MED1: variants seen among roughly 807,000 people sequenced by gnomAD.
The protein encoded by MED1 is mediator of RNA polymerase II transcription subunit 1.
In MED1, 17 loss-of-function variants were observed where a neutral mutation model predicts 121.3. That is an observed-to-expected ratio of 0.14 (90% CI 0.10 to 0.21). The LOEUF (loss-of-function observed/expected upper bound fraction) is 0.21, where lower values mean the gene tolerates loss of function less well. MED1 is among the 10% of genes least tolerant of loss of function. MED1 has a pLI of 1.00. For missense variants in MED1, 1,558 were observed against 1,919.4 expected (o/e 0.81, Z 3.52); for synonymous variants, 661 against 694.4 (o/e 0.95, Z 0.76).
Position 39,407,404 on chromosome 17 carries a change from T to TA in MED1, c.*70_*71insT, listed in dbSNP as rs2048312357. Reference sequence around the variant, plus strand: ...TCAGACCTGTCTGACTCACCCCTTATGGTGGTTTGCCTATAAACTTATCAA... The same window carrying TA: ...TCAGACCTGTCTGACTCACCCCTTATAGGTGGTTTGCCTATAAACTTATCAA... On this transcript the variant is annotated 3_prime_UTR_variant, in exon 17 of 17. Coordinates refer to ENST00000300651, the MANE Select transcript of MED1 (RefSeq NM_004774.4). 6.7e-7 allele frequency: 1 copy of TA among 1,498,254 alleles called. No homozygotes were observed. Among genetic ancestry groups the TA allele is most frequent in the East Asian group, 2.3e-5 (1 of 43,552 alleles). 92.8% of individuals were successfully genotyped at this position (1,498,254 alleles called of 1,614,324 possible). A position where few individuals can be genotyped will look rare whatever the true frequency, so the allele number is the denominator to read the frequency against.
At chr17:39,414,254 G>A (rs973680027) in intron 16 of MED1, among the ~76,000 whole-genome samples, 1 of 150,560 alleles carries the variant, frequency 6.6e-6, no homozygotes, top group African/African-American at 2.4e-5. Context: ...AGATTACTTT[G>A]AATCCGAAAG....
intron 1 of MED1, among the ~76,000 whole-genome samples, chr17:39,449,196 C>G (rs954676224): frequency 5.9e-5 from 9 of 152,128 alleles, no homozygotes; most frequent in African/African-American, 2.2e-4. Context: ...CTAATTTTCC[C>G]TTGAAACAGG....
At chr17:39,418,778 C>T (rs1478021321) in intron 14 of MED1, among the ~76,000 whole-genome samples, 1 of 146,530 alleles carries the variant, frequency 6.8e-6, no homozygotes, top group African/African-American at 2.5e-5. Flanking sequence ...TGTGGAAACA[C>T]AGCATCTGTG....
chr17:39,408,668 A>G lies in MED1; in HGVS notation c.3553T>C (p.Ser1185Pro), dbSNP rs768439026. 6.2e-7 allele frequency: 1 copy of G among 1,614,118 alleles called. No homozygotes were observed. The highest frequency in any genetic ancestry group is 1.7e-5 in the Admixed American group (1 of 60,016). ...QGKPSSLMNP[S>P]LSKPNISPSH... Reference sequence around the variant, plus strand: ...GGGGATATGTTTGGTTTACTTAAAGAAGGATTCATAAGTGATGATGGCTTT... The same window carrying G: ...GGGGATATGTTTGGTTTACTTAAAGGAGGATTCATAAGTGATGATGGCTTT... Residue 1185 changes from serine to proline, a missense_variant, in exon 17 of 17, where the codon TCT becomes CCT. Around this residue, in one of 5 missense-constraint regions of MED1, gnomAD observed 793 missense variants for 898.2 expected, o/e 0.88. Transcript: ENST00000300651. This position sits in a 1 kb window ranked among gnomAD's most constrained non-coding sequence, Gnocchi z 4.7.
Position 39,408,752 on chromosome 17 carries a change from G to T in MED1, c.3469C>A (p.Pro1157Thr), listed in dbSNP as rs779332527. 2 of 1,614,214 alleles carry T rather than the reference G, an allele frequency of 1.2e-6. No individual in the cohort carries two copies. Among genetic ancestry groups the T allele is most frequent in the South Asian group, 2.2e-5 (2 of 91,082 alleles). ...CTGCTCAGTCCATGCTTGGTTATGG[G>T]AGAGGAGCCTGGCTTCCCCCCAGAC... Reference protein sequence around the residue: ...SQSGGKPGSSPITKHGLSSGS... With the variant: ...SQSGGKPGSSTITKHGLSSGS... The change falls in exon 17 of 17, where the codon CCC (proline) becomes ACC (threonine). Residue 1157 changes from proline to threonine, a missense_variant. Around this residue, in one of 5 missense-constraint regions of MED1, gnomAD observed 793 missense variants for 898.2 expected, o/e 0.88. Coordinates refer to ENST00000300651, the MANE Select transcript of MED1 (RefSeq NM_004774.4). This position sits in a 1 kb window ranked among gnomAD's most constrained non-coding sequence, Gnocchi z 4.7.
At chr17:39,443,151 G>A (rs963431308) in intron 3 of MED1, among the ~76,000 whole-genome samples, 3 of 150,912 alleles carry the variant, frequency 2.0e-5, no homozygotes, top group East Asian at 2.0e-4. Flanking sequence ...ATAGGTGCCC[G>A]CCACCACGTC....
chr17:39,432,370 A>G (rs772989016), intron 7 of MED1, among the ~76,000 whole-genome samples: 28 of 151,618 alleles, frequency 1.8e-4, no homozygotes, highest in Non-Finnish European at 4.0e-4. Context: ...AAGTTGAAAA[A>G]TACACATATA....
rs79507424 is a variant in MED1 at position 39,406,576 on chromosome 17, G to A, written c.*899C>T. Reference sequence around the variant, plus strand: ...CACCTTAGCTTTTTTTTTTTTTTTTGAAAGGAAAATGAGATTACAAGTCAA... The same window carrying A: ...CACCTTAGCTTTTTTTTTTTTTTTTAAAAGGAAAATGAGATTACAAGTCAA... On this transcript the variant is annotated 3_prime_UTR_variant, in exon 17 of 17. Coordinates refer to ENST00000300651, the MANE Select transcript of MED1 (RefSeq NM_004774.4). 4 of 803,224 alleles carry A rather than the reference G, an allele frequency of 5.0e-6. No individual in the cohort carries two copies. Among genetic ancestry groups the A allele is most frequent in the Middle Eastern group, 6.6e-4 (1 of 1,514 alleles). The allele number at this position is 803,224 out of a possible 1,614,324, so 49.8% of individuals were successfully genotyped here.
At chr17:39,423,865 T>C in intron 11 of MED1, 44 bp from the exon 12 acceptor site, 5 of 1,553,804 alleles carry the variant, frequency 3.2e-6, no homozygotes, top group Non-Finnish European at 4.3e-6. Flanking sequence ...TGACTTGATA[T>C]AAAAATGAAA....
intron 9 of MED1, among the ~76,000 whole-genome samples, chr17:39,428,052 A>G (rs1276369988): frequency 1.3e-5 from 2 of 152,018 alleles, no homozygotes; most frequent in African/African-American, 4.8e-5. Context: ...CTCCACCTCT[A>G]AAAATAATAA....
chr17:39,443,621 C>T lies in MED1; in HGVS notation c.140G>A (p.Arg47Lys). 1.9e-6 allele frequency: 3 copies of T among 1,613,704 alleles called. No individual in the cohort carries two copies. The highest frequency in any genetic ancestry group is 2.5e-6 in the Non-Finnish European group (3 of 1,179,686). The change falls in exon 3 of 17, where the codon AGG (arginine) becomes AAG (lysine). Residue 47 changes from arginine to lysine, a missense_variant. Arg to Lys is a conservative substitution (Grantham distance 26, BLOSUM62 2). Coordinates refer to ENST00000300651, the MANE Select transcript of MED1 (RefSeq NM_004774.4). ...ATGCCCTCCAGAACTCATCACAACCCTCTTCTCCTGTGTCAAGTGGGAAAA... is the reference window on the plus strand; with the variant it reads ...ATGCCCTCCAGAACTCATCACAACCTTCTTCTCCTGTGTCAAGTGGGAAAA... ...IKLVRQVMEK[R>K]VVMSSGGHQH...
intron 2 of MED1, among the ~76,000 whole-genome samples, chr17:39,446,026 C>CT (rs1470209982): frequency 1.5e-5 from 2 of 135,986 alleles, no homozygotes; most frequent in African/African-American, 5.6e-5. Context: ...GAGATTCCAT[C>CT]TTTAAAAAAA....
chr17:39,438,440 T>C (rs894141163), intron 6 of MED1, among the ~76,000 whole-genome samples: 14 of 151,194 alleles, frequency 9.3e-5, no homozygotes, highest in African/African-American at 3.4e-4. Flanking sequence ...GCTCCCAGGT[T>C]CACGCCATTC....
At chr17:39,442,780 C>T (rs772420237) in intron 3 of MED1, among the ~76,000 whole-genome samples, 1 of 150,356 alleles carries the variant, frequency 6.7e-6, no homozygotes, top group Non-Finnish European at 1.5e-5. Flanking sequence ...TGGCACATGC[C>T]TGTAATCCCA....
At chr17:39,438,555 G>C (rs1436011638) in intron 6 of MED1, among the ~76,000 whole-genome samples, 1 of 151,698 alleles carries the variant, frequency 6.6e-6, no homozygotes, top group East Asian at 1.9e-4. Context: ...GTTTCACCGT[G>C]TTAGCCAGGA....
intron 14 of MED1, 47 bp downstream of exon 14, chr17:39,419,670 A>C (rs1006913790): frequency 1.3e-6 from 2 of 1,533,362 alleles, no homozygotes; most frequent in African/African-American, 2.7e-5. Context: ...ACCACTGGAG[A>C]AGTAAGTTTC....
chr17:39,406,109 T>C lies in MED1; in HGVS notation c.*1366A>G. On this transcript the variant is annotated 3_prime_UTR_variant, in exon 17 of 17. Coordinates refer to ENST00000300651, the MANE Select transcript of MED1 (RefSeq NM_004774.4). ...AGTCTCCTGGATTTCTATATTTTTA[T>C]GTGAAGGGCTCTTATTGATGTCCCC... is the stretch of plus-strand genomic sequence containing the variant. 1 of 985,550 alleles carries C rather than the reference T, an allele frequency of 1.0e-6. No homozygotes were observed. The highest frequency in any genetic ancestry group is 1.2e-6 in the Non-Finnish European group (1 of 829,936). 61.1% of individuals were successfully genotyped at this position (985,550 alleles called of 1,614,324 possible).
intron 1 of MED1, among the ~76,000 whole-genome samples, chr17:39,450,533 A>G (rs569289158): frequency 2.0e-5 from 3 of 152,334 alleles, no homozygotes; most frequent in South Asian, 4.1e-4. Flanking sequence ...GTTCCACAGA[A>G]AAGTTGTTTT....
At chr17:39,436,375 A>T (rs2048619150) in intron 6 of MED1, among the ~76,000 whole-genome samples, 1 of 151,782 alleles carries the variant, frequency 6.6e-6, no homozygotes. Context: ...AAAAGAAAAA[A>T]AAAAAAAAAA....
Sources: gnomAD v4.1 joint callset for allele counts (sites outside exome capture counted in the v4.1 genomes callset) on GRCh38, gnomAD v4.1.1 for gene constraint, gnomAD v4.1.1 regional missense constraint, Gnocchi (gnomAD v3.1) non-coding constraint, MANE v1.5 for transcripts, NCBI Gene and HGNC (gene_info 2026-07-23, HGNC 2026-07-21) for gene names.